Variants in PDE4B observed in about 807,000 individuals in gnomAD.
PDE4B encodes the protein 3',5'-cyclic-AMP phosphodiesterase 4B.
PDE4B carries 20 observed loss-of-function variants against 82.2 expected under a neutral mutation model. That is an observed-to-expected ratio of 0.24 (90% CI 0.17 to 0.35). The LOEUF (loss-of-function observed/expected upper bound fraction) is 0.35, where lower values mean the gene tolerates loss of function less well. Ranked by LOEUF, PDE4B falls within the 10% of genes least tolerant of loss-of-function variation. The pLI, the probability that PDE4B is intolerant of heterozygous loss-of-function variation, is 1.00. For missense variants in PDE4B, 655 were observed against 907.2 expected (o/e 0.72, Z 3.57); for synonymous variants, 320 against 318.9 (o/e 1.00, Z -0.04).
intron 3 of PDE4B, among the ~76,000 whole-genome samples, chr1:66,027,825 A>G (rs775490636): frequency 1.3e-5 from 2 of 152,208 alleles, no homozygotes; most frequent in Non-Finnish European, 2.9e-5. Flanking sequence ...ACACTGATGC[A>G]AGGGGTGGGT....
intron 3 of PDE4B, among the ~76,000 whole-genome samples, chr1:66,204,283 G>T (rs959060694): frequency 1.3e-5 from 2 of 152,256 alleles, no homozygotes; most frequent in Non-Finnish European, 2.9e-5. Flanking sequence ...CAGTTAGGCT[G>T]CTCGGGGGTC....
At chr1:66,338,368 T>G (rs1660681454) in intron 8 of PDE4B, among the ~76,000 whole-genome samples, 1 of 82,488 alleles carries the variant, frequency 1.2e-5, no homozygotes, top group South Asian at 3.2e-4. Flanking sequence ...TTCTTTCAAC[T>G]GTGGCAAGCA....
chr1:66,362,392 C>A (rs1434016517), intron 10 of PDE4B, among the ~76,000 whole-genome samples: 4 of 152,176 alleles, frequency 2.6e-5, no homozygotes, highest in Non-Finnish European at 5.9e-5. Context: ...CACAAAGTGA[C>A]TGCTGAGGTC....
At chr1:66,319,659 T>C (rs1157104353) in intron 7 of PDE4B, among the ~76,000 whole-genome samples, 1 of 152,196 alleles carries the variant, frequency 6.6e-6, no homozygotes, top group Non-Finnish European at 1.5e-5. Context: ...GTGAAGCCTG[T>C]AGTGACCAGA....
chr1:66,100,933 TAA>T (rs1228091804), intron 3 of PDE4B, among the ~76,000 whole-genome samples: 1 of 152,176 alleles, frequency 6.6e-6, no homozygotes, highest in Non-Finnish European at 1.5e-5. Flanking sequence ...TTGTACCCAT[TAA>T]CTCGTCATTT....
chr1:66,370,380 A>G (rs1370890612), intron 16 of PDE4B, among the ~76,000 whole-genome samples: 2 of 152,190 alleles, frequency 1.3e-5, no homozygotes, highest in Non-Finnish European at 2.9e-5. Context: ...CACATTTTCC[A>G]TACATTATCT....
intron 3 of PDE4B, among the ~76,000 whole-genome samples, chr1:65,945,596 A>G (rs1648672324): frequency 6.6e-6 from 1 of 152,018 alleles, no homozygotes; most frequent in African/African-American, 2.4e-5. Context: ...GAGGTCCAAC[A>G]TTCATCAACA....
At chr1:66,019,356 C>CCT (rs1652960427) in intron 3 of PDE4B, among the ~76,000 whole-genome samples, 1 of 124,774 alleles carries the variant, frequency 8.0e-6, no homozygotes, top group African/African-American at 3.0e-5. Context: ...TATTGTTATT[C>CCT]TTTTTTTTTT....
In PDE4B at chr1:66,372,908, G is replaced by T; in HGVS notation, c.*230G>T. The T allele has an allele frequency of 2.0e-6, 1 of 503,570 alleles. No individual in the cohort carries two copies. The highest frequency in any genetic ancestry group is 3.6e-6 in the Non-Finnish European group (1 of 280,224). The allele number at this position is 503,570 out of a possible 1,614,324, so 31.2% of individuals were successfully genotyped here. ...CTTGGTGGAGAGGGCTGAAGCTGTT[G>T]CTGGGGGCCGATTCTGATCAAGACA... is the stretch of plus-strand genomic sequence containing the variant. On this transcript the variant is annotated 3_prime_UTR_variant, in exon 17 of 17. Coordinates refer to ENST00000341517, the MANE Select transcript of PDE4B (RefSeq NM_002600.4).
intron 3 of PDE4B, among the ~76,000 whole-genome samples, chr1:66,099,435 G>A (rs1248595014): frequency 6.6e-6 from 1 of 152,102 alleles, no homozygotes; most frequent in Non-Finnish European, 1.5e-5. Context: ...ACATATACAT[G>A]CATGTATTGA....
intron 3 of PDE4B, among the ~76,000 whole-genome samples, chr1:66,150,441 TC>T (rs1646368224): frequency 6.6e-6 from 1 of 152,248 alleles, no homozygotes; most frequent in African/African-American, 2.4e-5. Flanking sequence ...TCTATCAGAT[TC>T]CTTAGGATTT....
rs1451089548 is a variant in PDE4B, at chr1:66,361,653, A to G, written c.880A>G (p.Lys294Glu). The change falls in exon 10 of 17, where the codon AAA becomes GAA. Residue 294 changes from lysine (K) to glutamate (E), a missense_variant. This residue lies in a region of PDE4B where 283 missense variants were observed against 516.4 expected (regional missense o/e 0.55). Coordinates refer to ENST00000341517, the MANE Select transcript of PDE4B (RefSeq NM_002600.4). The stretch of plus-strand genomic sequence containing the variant: ...TGTGGAGATCCCATCTCCTACCCAG[A>G]AAGACAGGGAGAAAAAGAAAAAGCA... ...NDVEIPSPTQ[K>E]DREKKKKQQL... The G allele has an allele frequency of 6.2e-7, 1 of 1,613,500 alleles. No homozygotes were observed. The highest frequency in any genetic ancestry group is 8.5e-7 in the Non-Finnish European group (1 of 1,179,596).
chr1:66,247,974 T>C (rs1398059490), intron 4 of PDE4B, among the ~76,000 whole-genome samples: 1 of 152,220 alleles, frequency 6.6e-6, no homozygotes, highest in Non-Finnish European at 1.5e-5. Flanking sequence ...TTAACACTTT[T>C]TATACATCAC....
chr1:65,901,270 T>G (rs1020067251), intron 1 of PDE4B, among the ~76,000 whole-genome samples: 3 of 152,178 alleles, frequency 2.0e-5, no homozygotes, highest in Non-Finnish European at 4.4e-5. Context: ...GATTTGCATA[T>G]TATGAATTAA....
intron 3 of PDE4B, among the ~76,000 whole-genome samples, chr1:66,031,713 TA>T (rs1467747772): frequency 6.6e-6 from 1 of 152,232 alleles, no homozygotes; most frequent in Non-Finnish European, 1.5e-5. Flanking sequence ...AGCTCTTCAA[TA>T]ATTCAAGATT....
At chr1:65,895,412 T>A (rs151042909) in intron 1 of PDE4B, among the ~76,000 whole-genome samples, 2 of 152,056 alleles carry the variant, frequency 1.3e-5, no homozygotes, top group East Asian at 3.9e-4. Context: ...TAGCTGTGCA[T>A]GGTGGCAGGC....
At chr1:66,177,325 T>C (rs543786914) in intron 3 of PDE4B, among the ~76,000 whole-genome samples, 1 of 152,192 alleles carries the variant, frequency 6.6e-6, no homozygotes, top group Non-Finnish European at 1.5e-5. Context: ...AATTAATATA[T>C]GCCAAATGGT....
intron 6 of PDE4B, among the ~76,000 whole-genome samples, chr1:66,262,575 G>T (rs1654763456): frequency 6.6e-6 from 1 of 152,324 alleles, no homozygotes; most frequent in South Asian, 2.1e-4. Flanking sequence ...TCTTCCATAA[G>T]TTACGGACTT....
intron 3 of PDE4B, among the ~76,000 whole-genome samples, chr1:66,068,105 T>A (rs7413726): frequency 6.8e-6 from 1 of 147,738 alleles, no homozygotes; most frequent in South Asian, 2.1e-4. Context: ...ATAATAAAAT[T>A]AAAAAAAAAA....
Sources: allele counts gnomAD v4.1 joint callset (sites outside exome capture counted in the v4.1 genomes callset), GRCh38; gene constraint gnomAD v4.1.1; regional missense constraint gnomAD v4.1.1; transcripts MANE v1.5; gene names NCBI Gene and HGNC (gene_info 2026-07-23, HGNC 2026-07-21).